The following RGL1 variants were observed in gnomAD, a reference collection of about 807,000 sequenced individuals.
The protein encoded by RGL1 is ral guanine nucleotide dissociation stimulator-like 1.
In RGL1, 24 loss-of-function variants were observed where a neutral mutation model predicts 95.2. The ratio of observed to expected loss-of-function variants is 0.25; its 90% confidence interval spans 0.18 to 0.35. The LOEUF (loss-of-function observed/expected upper bound fraction) is 0.35, where lower values mean the gene tolerates loss of function less well. RGL1 is among the 10% of genes least tolerant of loss of function. RGL1 has a pLI of 1.00. For synonymous variants in RGL1, 329 were observed against 344.9 expected (o/e 0.95, Z 0.51); for missense variants, 715 against 936.3 (o/e 0.76, Z 3.08).
At chr1:183,781,323 G>A (rs774932299) in intron 2 of RGL1, among the ~76,000 whole-genome samples, 8 of 152,054 alleles carry the variant, frequency 5.3e-5, no homozygotes, top group Non-Finnish European at 7.4e-5. Context: ...ACCTTAGCTG[G>A]CTGAAAGTAT....
At chr1:183,705,937 G>C in intron 1 of RGL1, among the ~76,000 whole-genome samples, 1 of 152,118 alleles carries the variant, frequency 6.6e-6, no homozygotes, top group East Asian at 1.9e-4. Flanking sequence ...ATAGGAACTG[G>C]GTGGGGACTT....
chr1:183,924,925 C>T (rs916586485), intron 17 of RGL1, among the ~76,000 whole-genome samples: 1 of 151,904 alleles, frequency 6.6e-6, no homozygotes, highest in African/African-American at 2.4e-5. Flanking sequence ...GACATTGTGC[C>T]ACTGCACTGC....
At chr1:183,786,746 T>C (rs775581800) in intron 2 of RGL1, among the ~76,000 whole-genome samples, 5 of 152,214 alleles carry the variant, frequency 3.3e-5, no homozygotes, top group Non-Finnish European at 7.3e-5. Flanking sequence ...TTTTAAAGTA[T>C]TCTGATACTT....
intron 1 of RGL1, among the ~76,000 whole-genome samples, chr1:183,668,429 C>T (rs1014242363): frequency 6.6e-6 from 1 of 151,760 alleles, no homozygotes; most frequent in African/African-American, 2.4e-5. Flanking sequence ...ATCTTTACTT[C>T]TGTGTTCATA....
chr1:183,871,468 G>T (rs1666178855), intron 4 of RGL1, among the ~76,000 whole-genome samples: 1 of 152,178 alleles, frequency 6.6e-6, no homozygotes, highest in South Asian at 2.1e-4. Flanking sequence ...CTTCAGTTTT[G>T]CAGACCTGGG....
intron 1 of RGL1, among the ~76,000 whole-genome samples, chr1:183,703,966 T>C (rs2102150853): frequency 6.6e-6 from 1 of 152,114 alleles, no homozygotes; most frequent in Middle Eastern, 3.4e-3. Context: ...GGGATAGGGA[T>C]TGTTTGAGAG....
chr1:183,891,422 C>T (rs1181096339), intron 8 of RGL1, among the ~76,000 whole-genome samples: 1 of 152,102 alleles, frequency 6.6e-6, no homozygotes, highest in African/African-American at 2.4e-5. Flanking sequence ...TGTCATATTT[C>T]CCTTGTAGAG....
intron 8 of RGL1, 125 bp from the exon 9 acceptor site, chr1:183,891,952 G>A (rs893032388): frequency 1.5e-6 from 1 of 657,558 alleles, no homozygotes; most frequent in Admixed American, 2.6e-5. Flanking sequence ...TGTGCTTACA[G>A]TACCCACCAA....
At chr1:183,760,300 A>C (rs1271591223) in intron 2 of RGL1, among the ~76,000 whole-genome samples, 1 of 152,174 alleles carries the variant, frequency 6.6e-6, no homozygotes, top group Admixed American at 6.6e-5. Flanking sequence ...TGGCTGCTGA[A>C]GGTTGCAGTG....
intron 2 of RGL1, 127 bp downstream of exon 2, chr1:183,806,612 A>G (rs183297404): frequency 2.7e-4 from 174 of 646,638 alleles, no homozygotes; most frequent in Middle Eastern, 6.4e-4. Context: ...GGAAAATGCT[A>G]ATGACCAAGT....
rs924384074 is a variant in RGL1 at position 183,926,386 on chromosome 1, C to T, written c.*94C>T. On this transcript the variant is annotated 3_prime_UTR_variant, in exon 18 of 18. Transcript: ENST00000360851. ...CAATTACCATCCGGTGTTCGAGGATCATTGGTGAAGTCAGCAGATATTTAT... is the reference window on the plus strand; with the variant it reads ...CAATTACCATCCGGTGTTCGAGGATTATTGGTGAAGTCAGCAGATATTTAT... The T allele has an allele frequency of 1.6e-4, 169 of 1,068,532 alleles. No individual in the cohort carries two copies. The highest frequency in any genetic ancestry group is 2.2e-4 in the Non-Finnish European group (167 of 747,558). The allele number at this position is 1,068,532 out of a possible 1,614,324, so 66.2% of individuals were successfully genotyped here.
At chr1:183,887,557 A>G (rs1319326177) in intron 7 of RGL1, among the ~76,000 whole-genome samples, 1 of 152,138 alleles carries the variant, frequency 6.6e-6, no homozygotes, top group Admixed American at 6.5e-5. Context: ...ATGTGCCTGT[A>G]TATGAAGCAT....
At chr1:183,753,757 A>G (rs2102289289) in intron 2 of RGL1, among the ~76,000 whole-genome samples, 1 of 152,308 alleles carries the variant, frequency 6.6e-6, no homozygotes, top group East Asian at 1.9e-4. Flanking sequence ...AATTTTTGGC[A>G]TATATAGCAA....
upstream of RGL1, among the ~76,000 whole-genome samples, chr1:183,802,639 A>ACAAATT (rs1434043939): frequency 6.6e-5 from 10 of 151,944 alleles, no homozygotes; most frequent in African/African-American, 2.4e-4. Context: ...AAACTAATAA[A>ACAAATT]CAAATTCAGT....
intron 2 of RGL1, among the ~76,000 whole-genome samples, chr1:183,778,608 T>A (rs889544210): frequency 5.9e-5 from 9 of 152,060 alleles, no homozygotes; most frequent in African/African-American, 2.2e-4. Flanking sequence ...CATGGAGAAC[T>A]GGGAGGGTTC....
chr1:183,913,069 T>C (rs562025792), intron 15 of RGL1, among the ~76,000 whole-genome samples: 68 of 151,882 alleles, frequency 4.5e-4, no homozygotes, highest in African/African-American at 1.6e-3. Flanking sequence ...AAAAGGAAAC[T>C]GATGAGAGGT....
At chr1:183,783,666 C>G (rs950359666) in intron 2 of RGL1, among the ~76,000 whole-genome samples, 3 of 152,068 alleles carry the variant, frequency 2.0e-5, no homozygotes, top group East Asian at 3.9e-4. Context: ...AGACATGGAT[C>G]TTATTCCCAA....
At chr1:183,702,081 G>T (rs1271271858) in intron 1 of RGL1, among the ~76,000 whole-genome samples, 1 of 152,192 alleles carries the variant, frequency 6.6e-6, no homozygotes, top group Non-Finnish European at 1.5e-5. Context: ...CACAAAAGAA[G>T]CCTGAACATT....
At chr1:183,754,755 C>A (rs914078914) in intron 2 of RGL1, 1 of 152,180 alleles carries the variant, frequency 6.6e-6, no homozygotes, top group Non-Finnish European at 1.5e-5. Flanking sequence ...TGCTACTTAC[C>A]AGTGATGACT....
Sources: gnomAD v4.1 joint callset for allele counts (sites outside exome capture counted in the v4.1 genomes callset) on GRCh38, gnomAD v4.1.1 for gene constraint, MANE v1.5 for transcripts, NCBI Gene and HGNC (gene_info 2026-07-23, HGNC 2026-07-21) for gene names.